CSNK1G2: variants seen among roughly 807,000 people sequenced by gnomAD.
CSNK1G2 encodes casein kinase I isoform gamma-2.
A neutral mutation model predicts 48.0 loss-of-function variants in CSNK1G2; 11 were observed. The observed-to-expected ratio is 0.23, with a 90% CI of 0.14 to 0.38. The LOEUF (loss-of-function observed/expected upper bound fraction) is 0.38, where lower values mean the gene tolerates loss of function less well. Ranked by LOEUF, CSNK1G2 falls within the 10% of genes least tolerant of loss-of-function variation. The pLI is 1.00. For missense variants in CSNK1G2, 446 were observed against 595.5 expected (o/e 0.75, Z 2.61); for synonymous variants, 337 against 254.1 (o/e 1.33, Z -3.10).
At chr19:1,958,477 C>T (rs1246924268) in intron 1 of CSNK1G2, among the ~76,000 whole-genome samples, 2 of 117,312 alleles carry the variant, frequency 1.7e-5, no homozygotes, top group Non-Finnish European at 3.6e-5. Flanking sequence ...CCCCCATCTC[C>T]CCATCCCCCC....
At chr19:1,976,247 G>T in intron 2 of CSNK1G2, 1 of 534,628 alleles carries the variant, frequency 1.9e-6, no homozygotes, top group South Asian at 1.8e-5. Flanking sequence ...TTCTGAAAAC[G>T]CGGGGACCAG....
intron 2 of CSNK1G2, among the ~76,000 whole-genome samples, chr19:1,977,924 C>T (rs1295731628): frequency 1.3e-5 from 2 of 152,052 alleles, no homozygotes; most frequent in East Asian, 3.9e-4. Context: ...CACCTGGGGG[C>T]CGAGGGCCTC....
chr19:1,966,422 G>A (rs531934396), intron 1 of CSNK1G2, among the ~76,000 whole-genome samples: 4 of 152,298 alleles, frequency 2.6e-5, no homozygotes, highest in South Asian at 2.1e-4. Flanking sequence ...CTGCATTGTC[G>A]CTGTCTCGCG....
Position 1,976,057 on chromosome 19 carries a change from C to T in CSNK1G2, c.188-2248C>T, listed in dbSNP as rs1402543169. Reference sequence around the variant, plus strand: ...TCCAAAAAGAAAAAAACTTTGAAATCCCTCTAAAAATAAAATGGACCGGTG... The same window carrying T: ...TCCAAAAAGAAAAAAACTTTGAAATTCCTCTAAAAATAAAATGGACCGGTG... On this transcript the variant is annotated intron_variant, in intron 2 of 11. Coordinates refer to ENST00000255641, the MANE Select transcript of CSNK1G2 (RefSeq NM_001319.7). The T allele has an allele frequency of 7.8e-6, 10 of 1,289,184 alleles. 1 individual carries two copies. The South Asian group carries it at 1.1e-4, about 14-fold the overall frequency. The allele number at this position is 1,289,184 out of a possible 1,614,324, so 79.9% of individuals were successfully genotyped here.
rs569059347 is a variant in CSNK1G2 at position 1,980,782 on chromosome 19, C to T, written c.*579C>T. The T allele has an allele frequency of 1.1e-3, 162 of 153,070 alleles. 1 individual carries two copies. The highest frequency in any genetic ancestry group is 3.8e-3 in the Admixed American group (59 of 15,336). 9.5% of individuals were successfully genotyped at this position (153,070 alleles called of 1,614,324 possible). A position where few individuals can be genotyped will look rare whatever the true frequency, so the allele number is the denominator to read the frequency against. On this transcript the variant is annotated 3_prime_UTR_variant, in exon 12 of 12. Coordinates refer to ENST00000255641, the MANE Select transcript of CSNK1G2 (RefSeq NM_001319.7). The stretch of plus-strand genomic sequence containing the variant: ...CCAAAGGGGAAGGCAGGGGTGGGGC[C>T]GTGGCTGAAGCCGGCTCCCCAACCA...
intron 1 of CSNK1G2, chr19:1,953,138 C>T (rs541104343): frequency 9.4e-4 from 357 of 378,204 alleles, no homozygotes; most frequent in Admixed American, 1.5e-3. Flanking sequence ...GGAGCCACCC[C>T]GGGTCCCACT....
At chr19:1,943,388 A>G (rs2014439338) in intron 1 of CSNK1G2, among the ~76,000 whole-genome samples, 1 of 152,186 alleles carries the variant, frequency 6.6e-6, no homozygotes, top group African/African-American at 2.4e-5. Flanking sequence ...ATGGCCCGCG[A>G]TGGTGCAGCA....
At chr19:1,956,605 C>T (rs993437490) in intron 1 of CSNK1G2, among the ~76,000 whole-genome samples, 35 of 152,224 alleles carry the variant, frequency 2.3e-4, no homozygotes, top group Non-Finnish European at 3.8e-4. Context: ...GCTTACCCTG[C>T]GGCATTGGCC....
chr19:1,952,289 G>C (rs955625579), intron 1 of CSNK1G2, among the ~76,000 whole-genome samples: 4 of 152,118 alleles, frequency 2.6e-5, no homozygotes, highest in Non-Finnish European at 5.9e-5. Flanking sequence ...GATGATGCCC[G>C]AGTGGCGGAG....
At position 1,979,527 on chromosome 19, in the gene CSNK1G2, C is replaced by G; in HGVS notation, c.886C>G (p.Arg296Gly). The G allele has an allele frequency of 1.3e-6, 2 of 1,599,438 alleles. No individual in the cohort carries two copies. The highest frequency in any genetic ancestry group is 8.5e-7 in the Non-Finnish European group (1 of 1,175,274). The change falls in exon 9 of 12, where the codon CGC (arginine) becomes GGC (glycine). Residue 296 changes from arginine to glycine, a missense_variant. Arg to Gly is a moderately radical substitution (Grantham distance 125). Around this residue, in one of 2 missense-constraint regions of CSNK1G2, gnomAD observed 188 missense variants for 179.6 expected, o/e 1.05. Transcript: ENST00000255641. ...EMATYLRYVR[R>G]LDFFEKPDYD... ...GGCCACGTACCTGCGCTATGTGCGG[C>G]GCCTGGACTTCTTCGAGAAGCCCGA...
Position 1,970,036 on chromosome 19 carries a change from G to A in CSNK1G2, c.187+77G>A, listed in dbSNP as rs11882344. 7,617 of 1,187,386 alleles carry A rather than the reference G, an allele frequency of 6.4e-3. 390 individuals carry two copies. In the African/African-American group the frequency reaches 0.11, roughly 17 times the overall value. 73.6% of individuals were successfully genotyped at this position (1,187,386 alleles called of 1,614,324 possible). A position where few individuals can be genotyped will look rare whatever the true frequency, so the allele number is the denominator to read the frequency against. On this transcript the variant is annotated intron_variant, in intron 2 of 11. Coordinates refer to ENST00000255641, the MANE Select transcript of CSNK1G2 (RefSeq NM_001319.7). ...CCCCGAGTCACCGGAGCCTCTGGTG[G>A]GGCCGCCCGGGGTCACTGGAGCCTC...
intron 1 of CSNK1G2, among the ~76,000 whole-genome samples, chr19:1,944,799 G>A (rs1018645213): frequency 6.6e-6 from 1 of 152,208 alleles, no homozygotes; most frequent in East Asian, 1.9e-4. Flanking sequence ...CCCTGCAGCG[G>A]GCAGGGATTG....
At chr19:1,976,548 G>A (rs1000523245) in intron 2 of CSNK1G2, among the ~76,000 whole-genome samples, 2 of 152,228 alleles carry the variant, frequency 1.3e-5, no homozygotes, top group Non-Finnish European at 2.9e-5. Flanking sequence ...GCACTAGCCG[G>A]GGGAAGAGGC....
intron 1 of CSNK1G2, among the ~76,000 whole-genome samples, chr19:1,961,638 C>G (rs1156354512): frequency 6.6e-6 from 1 of 152,162 alleles, no homozygotes; most frequent in African/African-American, 2.4e-5. Flanking sequence ...AGTCCCTGTG[C>G]TGGAAGAGAG....
chr19:1,961,292 G>A (rs1454971144), intron 1 of CSNK1G2, among the ~76,000 whole-genome samples: 3 of 152,240 alleles, frequency 2.0e-5, no homozygotes, highest in African/African-American at 4.8e-5. Context: ...TGGCCGTGGC[G>A]GGTGGAGGAC....
chr19:1,967,992 C>T (rs1302771717), intron 1 of CSNK1G2, among the ~76,000 whole-genome samples: 2 of 44,146 alleles, frequency 4.5e-5, no homozygotes, highest in Non-Finnish European at 8.3e-5. Context: ...CCCCAGGCTG[C>T]CCCCGACCAC....
At position 1,957,377 on chromosome 19, in the gene CSNK1G2, C is replaced by G. The variant is rs2015034330; in HGVS notation, c.-265-12131C>G. Among the ~76,000 whole-genome samples the G allele has an allele frequency of 6.6e-6, 1 of 152,196 alleles. No individual in the cohort carries two copies. The highest frequency in any genetic ancestry group is 1.9e-4 in the East Asian group (1 of 5,180). ...AAAGTGGAGCCGGGGGAGAGATGTCCCGGGATGCACCAGGCGCTCGTGCAA... is the reference window on the plus strand; with the variant it reads ...AAAGTGGAGCCGGGGGAGAGATGTCGCGGGATGCACCAGGCGCTCGTGCAA... On this transcript the variant is annotated intron_variant, in intron 1 of 11. Coordinates refer to ENST00000255641, the MANE Select transcript of CSNK1G2 (RefSeq NM_001319.7). The surrounding 1 kb of genome is among the most constrained non-coding windows in gnomAD (Gnocchi z 5.4).
chr19:1,960,273 C>A (rs1335041389), intron 1 of CSNK1G2, among the ~76,000 whole-genome samples: 1 of 152,250 alleles, frequency 6.6e-6, no homozygotes, highest in Non-Finnish European at 1.5e-5. Context: ...CCCCTTCCCC[C>A]TCCCTACCCG....
rs1196403072 is a variant in CSNK1G2 at position 1,965,120 on chromosome 19, G to C, written c.-265-4388G>C. Among the ~76,000 whole-genome samples the C allele has an allele frequency of 2.0e-5, 3 of 149,716 alleles. No homozygotes were observed. The East Asian group carries it at 6.3e-4, about 31-fold the overall frequency. On this transcript the variant is annotated intron_variant, in intron 1 of 11. Coordinates refer to ENST00000255641, the MANE Select transcript of CSNK1G2 (RefSeq NM_001319.7). Reference sequence around the variant, plus strand: ...ACGTACACGATCAGTTTCCGGCCGGGCGCGGTGGCTCACACCTGTGATCCC... The same window carrying C: ...ACGTACACGATCAGTTTCCGGCCGGCCGCGGTGGCTCACACCTGTGATCCC...
Sources: gnomAD v4.1 joint callset for allele counts (sites outside exome capture counted in the v4.1 genomes callset) on GRCh38, gnomAD v4.1.1 for gene constraint, gnomAD v4.1.1 regional missense constraint, Gnocchi (gnomAD v3.1) non-coding constraint, MANE v1.5 for transcripts, NCBI Gene and HGNC (gene_info 2026-07-23, HGNC 2026-07-21) for gene names.